The following ANK3 variants were observed in gnomAD, a reference collection of about 807,000 sequenced individuals.
ANK3 encodes ankyrin-3.
In ANK3, 57 loss-of-function variants were observed where a neutral mutation model predicts 370.9. The ratio of observed to expected loss-of-function variants is 0.15; its 90% CI spans 0.12 to 0.19. ANK3 has a LOEUF of 0.19. Ranked by LOEUF, ANK3 falls within the 10% of genes least tolerant of loss-of-function variation. The probability of loss-of-function intolerance (pLI) is 1.00; values close to 1 mark genes in which losing one functional copy is unlikely to be tolerated. For synonymous variants in ANK3, 1,929 were observed against 1,946.3 expected, an observed-to-expected ratio of 0.99 and a Z score of 0.23; for missense variants, 4,439 against 5,302.1, an observed-to-expected ratio of 0.84 and a Z score of 5.06.
At chr10:60,251,608 C>G (rs2097667213) in intron 7 of ANK3, among the ~76,000 whole-genome samples, 2 of 152,168 alleles carry the variant, frequency 1.3e-5, no homozygotes, top group African/African-American at 4.8e-5. Flanking sequence ...CACTGAAAAC[C>G]AGTGGCTCTG....
chr10:60,565,403 T>C (rs1184566864), intron 2 of ANK3, among the ~76,000 whole-genome samples: 1 of 128,534 alleles, frequency 7.8e-6, no homozygotes, highest in African/African-American at 2.7e-5. Flanking sequence ...TGCCTGCCAC[T>C]GTGCGGCCCG....
At chr10:60,590,202 CA>C (rs1243607262) in intron 2 of ANK3, among the ~76,000 whole-genome samples, 1 of 152,096 alleles carries the variant, frequency 6.6e-6, no homozygotes, top group Non-Finnish European at 1.5e-5. Context: ...AGCCACCAGT[CA>C]TATGTGGGGA....
In ANK3 at chr10:60,114,209, C is replaced by G; in HGVS notation, c.2948+16G>C. ...CATGTAGTAGGATAATGAAAAGTGA[C>G]ATTTAGGTTACTTACCCAGAATGAA... On this transcript the variant is annotated intron_variant, in intron 26 of 43. Transcript: ENST00000280772. 6.7e-7 allele frequency: 1 copy of G among 1,494,260 alleles called. No homozygotes were observed. The highest frequency in any genetic ancestry group is 1.7e-4 in the Middle Eastern group (1 of 5,734). The allele number at this position is 1,494,260 out of a possible 1,614,324, so 92.6% of individuals were successfully genotyped here.
At chr10:60,061,230 G>A (rs1301249096) in intron 40 of ANK3, among the ~76,000 whole-genome samples, 5 of 152,166 alleles carry the variant, frequency 3.3e-5, no homozygotes. Context: ...AGCTGGCTAA[G>A]ATTAGCTGAG....
chr10:60,188,537 T>C (rs977980387), intron 16 of ANK3, among the ~76,000 whole-genome samples: 2 of 152,178 alleles, frequency 1.3e-5, no homozygotes, highest in East Asian at 3.8e-4. Flanking sequence ...TTGAGCCATG[T>C]GGAAGGATCA....
At chr10:60,501,492 G>A (rs756765571) in intron 2 of ANK3, among the ~76,000 whole-genome samples, 1 of 152,100 alleles carries the variant, frequency 6.6e-6, no homozygotes, top group Non-Finnish European at 1.5e-5. Context: ...ATCACTTGAG[G>A]CCAGGAGTTT....
At chr10:60,605,314 G>A (rs1331833153) in intron 2 of ANK3, among the ~76,000 whole-genome samples, 1 of 152,110 alleles carries the variant, frequency 6.6e-6, no homozygotes, top group Non-Finnish European at 1.5e-5. Context: ...AAGCAGGCCA[G>A]GTGCAGTGGC....
At chr10:60,317,208 T>C (rs2047639304) in intron 1 of ANK3, among the ~76,000 whole-genome samples, 1 of 152,182 alleles carries the variant, frequency 6.6e-6, no homozygotes, top group East Asian at 1.9e-4. Flanking sequence ...TGGTGCGATG[T>C]CTGCCTCCTG....
intron 8 of ANK3, among the ~76,000 whole-genome samples, chr10:60,218,683 T>G (rs2096987751): frequency 6.6e-6 from 1 of 152,054 alleles, no homozygotes; most frequent in Non-Finnish European, 1.5e-5. Flanking sequence ...CTTTGTAGGT[T>G]ACCTGGCCCT....
intron 2 of ANK3, among the ~76,000 whole-genome samples, chr10:60,578,380 T>C (rs768839499): frequency 1.3e-5 from 2 of 152,176 alleles, no homozygotes; most frequent in Non-Finnish European, 2.9e-5. Flanking sequence ...AGAGGCCCAG[T>C]GATATTTACA....
At chr10:60,714,856 C>A (rs927880380) in intron 1 of ANK3, among the ~76,000 whole-genome samples, 1 of 152,092 alleles carries the variant, frequency 6.6e-6, no homozygotes, top group African/African-American at 2.4e-5. Flanking sequence ...AAGTGGGGCA[C>A]AGAAGATTTT....
intron 1 of ANK3, among the ~76,000 whole-genome samples, chr10:60,659,346 T>C (rs1267925275): frequency 4.6e-5 from 7 of 152,304 alleles, no homozygotes; most frequent in African/African-American, 1.7e-4. Context: ...TCATAGTTCT[T>C]TTTCCCAGTT....
intron 2 of ANK3, among the ~76,000 whole-genome samples, chr10:60,518,213 T>C (rs1595191022): frequency 1.3e-5 from 2 of 152,128 alleles, no homozygotes; most frequent in African/African-American, 4.8e-5. Flanking sequence ...CCATAATTTA[T>C]GTAAAATGCA....
In ANK3 at chr10:60,315,333, G is replaced by T. The variant is rs145162750; in HGVS notation, c.115-35694C>A. ...CTTGAAAGTATTTTTATATTACCGTGTTTTAAAGTCTATGTAACTTTCACT... is the reference window on the plus strand; with the variant it reads ...CTTGAAAGTATTTTTATATTACCGTTTTTTAAAGTCTATGTAACTTTCACT... On this transcript the variant is annotated intron_variant, in intron 1 of 43. Transcript: ENST00000280772. 2.2e-4 allele frequency among the ~76,000 whole-genome samples: 33 copies of T among 152,172 alleles called. No homozygotes were observed. The East Asian group carries it at 6.0e-3, about 28-fold the overall frequency.
At chr10:60,445,255 T>C (rs1448698780) in intron 2 of ANK3, among the ~76,000 whole-genome samples, 1 of 151,684 alleles carries the variant, frequency 6.6e-6, no homozygotes, top group Non-Finnish European at 1.5e-5. Context: ...CCAGGCATGG[T>C]GGTGCACGCC....
chr10:60,224,491 G>A (rs1325394532), intron 8 of ANK3, among the ~76,000 whole-genome samples: 1 of 152,160 alleles, frequency 6.6e-6, no homozygotes, highest in Non-Finnish European at 1.5e-5. Context: ...CATGAAGCAG[G>A]ATGTTAAGGC....
At chr10:60,420,574 C>A (rs1003704727) in intron 2 of ANK3, among the ~76,000 whole-genome samples, 2 of 151,798 alleles carry the variant, frequency 1.3e-5, no homozygotes, top group Non-Finnish European at 2.9e-5. Context: ...AAGTGTCCCA[C>A]TTAGTGGGCA....
At chr10:60,453,713 T>A (rs1242566785) in intron 2 of ANK3, among the ~76,000 whole-genome samples, 1 of 152,042 alleles carries the variant, frequency 6.6e-6, no homozygotes, top group East Asian at 1.9e-4. Context: ...ACAGCCTCTC[T>A]CTCTAAACAC....
chr10:60,688,745 G>A (rs971835368), intron 1 of ANK3, among the ~76,000 whole-genome samples: 2 of 151,894 alleles, frequency 1.3e-5, no homozygotes, highest in African/African-American at 2.4e-5. Context: ...TCAGGAGATC[G>A]AGACCATCCT....
Sources: allele counts gnomAD v4.1 joint callset (sites outside exome capture counted in the v4.1 genomes callset), GRCh38; gene constraint gnomAD v4.1.1; transcripts MANE v1.5; gene names NCBI Gene and HGNC (gene_info 2026-07-23, HGNC 2026-07-21).